The following DENND2B variants were observed in gnomAD, a reference collection of about 807,000 sequenced individuals.
The protein encoded by DENND2B is DENN domain containing 2B.
A neutral mutation model predicts 116.0 loss-of-function variants in DENND2B; 32 were observed. The ratio of observed to expected loss-of-function variants is 0.28; its 90% CI spans 0.21 to 0.37. DENND2B has a LOEUF of 0.37. Ranked by LOEUF, DENND2B falls within the 10% of genes least tolerant of loss-of-function variation. DENND2B has a pLI of 1.00. For synonymous variants in DENND2B, 588 were observed against 583.9 expected, an observed-to-expected ratio of 1.01 and a Z score of -0.10; for missense variants, 1,276 against 1,477.7, an observed-to-expected ratio of 0.86 and a Z score of 2.24.
chr11:8,907,068 C>A (rs10769973), intron 1 of DENND2B, among the ~76,000 whole-genome samples: 1 of 151,970 alleles, frequency 6.6e-6, no homozygotes, highest in Admixed American at 6.6e-5. Flanking sequence ...GTCCCAAATA[C>A]AGCACCAGTC....
chr11:8,743,734 G>A (rs1381179322), intron 2 of DENND2B, among the ~76,000 whole-genome samples: 1 of 151,788 alleles, frequency 6.6e-6, no homozygotes, highest in Non-Finnish European at 1.5e-5. Context: ...AATCGAAGTG[G>A]AGAGGGGCTT....
intron 5 of DENND2B, 75 bp downstream of exon 5, chr11:8,717,666 C>T: frequency 4.8e-6 from 7 of 1,462,786 alleles, no homozygotes; most frequent in South Asian, 1.6e-5. Context: ...GGAAGCTGGG[C>T]CCAAGTCTTG....
At chr11:8,741,385 TGACA>T (rs2050181056) in intron 2 of DENND2B, among the ~76,000 whole-genome samples, 1 of 152,138 alleles carries the variant, frequency 6.6e-6, no homozygotes, top group African/African-American at 2.4e-5. Flanking sequence ...GAGAGAATAC[TGACA>T]CTGCAGAAGC....
At chr11:8,890,696 G>C (rs1475852729) in intron 1 of DENND2B, among the ~76,000 whole-genome samples, 3 of 152,142 alleles carry the variant, frequency 2.0e-5, no homozygotes, top group Admixed American at 6.6e-5. Flanking sequence ...AGAGAAAAAA[G>C]AGTAAAAAGA....
chr11:8,694,707 G>A (rs1592262905), intron 19 of DENND2B: 7 of 447,534 alleles, frequency 1.6e-5, no homozygotes, highest in South Asian at 1.1e-4. Flanking sequence ...GGTGGTGTCT[G>A]TACTGAACAT....
intron 1 of DENND2B, chr11:8,776,146 GCACGCGCGCGCGCGCA>G (rs2057633489): frequency 9.2e-5 from 27 of 292,462 alleles, no homozygotes; most frequent in Non-Finnish European, 1.6e-4. Flanking sequence ...GCACGTGCGC[GCACGCGCGCGCGCGCA>G]CACACACACA....
chr11:8,749,930 G>GT (rs1283114835), intron 2 of DENND2B, among the ~76,000 whole-genome samples: 2 of 152,208 alleles, frequency 1.3e-5, no homozygotes, highest in Non-Finnish European at 2.9e-5. Context: ...CTGTGCATCT[G>GT]TGAGTTCTGG....
intron 2 of DENND2B, among the ~76,000 whole-genome samples, chr11:8,734,972 C>T (rs1461842119): frequency 7.5e-6 from 1 of 132,994 alleles, no homozygotes; most frequent in East Asian, 2.3e-4. Context: ...GTCAGTTTGC[C>T]ACTGTCAATG....
chr11:8,884,913 G>A (rs1309038337), intron 1 of DENND2B, among the ~76,000 whole-genome samples: 1 of 152,212 alleles, frequency 6.6e-6, no homozygotes, highest in African/African-American at 2.4e-5. Flanking sequence ...ACCTTGTAAA[G>A]AGAGGAAAGG....
In DENND2B at chr11:8,730,477, C is replaced by A. The variant is rs1320876871; in HGVS notation, c.813G>T (p.Gly271=). The A allele has an allele frequency of 6.2e-7, 1 of 1,611,926 alleles. No individual in the cohort carries two copies. Among genetic ancestry groups the A allele is most frequent in the Admixed American group, 1.7e-5 (1 of 60,030 alleles). The part of the protein sequence containing the change: ...GRSEPSAFLR[G]HGSRKESSAV... The stretch of plus-strand genomic sequence containing the variant: ...CTGAGCTCTCCTTCCTGCTGCCATG[C>A]CCCCTGAGGAAGGCGCTGGGCTCAC... The change falls in exon 3 of 20, where the codon GGG becomes GGT. Residue 271 remains glycine (G), a synonymous_variant. Coordinates refer to ENST00000313726, the MANE Select transcript of DENND2B (RefSeq NM_213618.2). This position sits in a 1 kb window ranked among gnomAD's most constrained non-coding sequence, Gnocchi z 4.1.
intron 1 of DENND2B, among the ~76,000 whole-genome samples, chr11:8,767,856 G>C (rs1461686498): frequency 6.6e-6 from 1 of 152,120 alleles, no homozygotes; most frequent in Non-Finnish European, 1.5e-5. Context: ...AGAGGAAAGA[G>C]TACCCCAAGG....
chr11:8,701,652 G>A (rs943158154), intron 14 of DENND2B, among the ~76,000 whole-genome samples: 5 of 151,912 alleles, frequency 3.3e-5, no homozygotes, highest in African/African-American at 9.7e-5. Context: ...TGCACTCATC[G>A]GAGCCGTATC....
At chr11:8,818,740 T>G (rs942970391) in intron 4 of DENND2B, among the ~76,000 whole-genome samples, 1 of 152,234 alleles carries the variant, frequency 6.6e-6, no homozygotes, top group African/African-American at 2.4e-5. Context: ...TAACTCTGAA[T>G]TCTAGCTTAG....
intron 3 of DENND2B, among the ~76,000 whole-genome samples, chr11:8,848,578 T>A (rs2062890752): frequency 1.3e-5 from 2 of 152,204 alleles, no homozygotes; most frequent in South Asian, 4.1e-4. Flanking sequence ...AGAGTGGTTA[T>A]AGATTTTTAA....
intron 19 of DENND2B, among the ~76,000 whole-genome samples, chr11:8,695,236 T>C (rs1393929756): frequency 6.6e-6 from 1 of 152,146 alleles, no homozygotes. Flanking sequence ...TATCCTTGGG[T>C]ATCCAGGAAC....
chr11:8,767,203 G>GGAT (rs2055983407), intron 1 of DENND2B, among the ~76,000 whole-genome samples: 2 of 152,180 alleles, frequency 1.3e-5, no homozygotes, highest in African/African-American at 4.8e-5. Context: ...TGAGTCCTAA[G>GGAT]GACAGTGACC....
chr11:8,759,852 G>A (rs2134106251), intron 1 of DENND2B, among the ~76,000 whole-genome samples: 1 of 152,308 alleles, frequency 6.6e-6, no homozygotes, highest in African/African-American at 2.4e-5. Flanking sequence ...CTCCCCAGAG[G>A]AGGGCTGCCA....
intron 9 of DENND2B, among the ~76,000 whole-genome samples, chr11:8,711,643 G>A (rs538876791): frequency 6.6e-6 from 1 of 152,000 alleles, no homozygotes; most frequent in Non-Finnish European, 1.5e-5. Flanking sequence ...CGAGACTGGC[G>A]GATCACCTGA....
intron 1 of DENND2B, among the ~76,000 whole-genome samples, chr11:8,780,325 T>C (rs924417726): frequency 4.7e-4 from 72 of 152,218 alleles, no homozygotes; most frequent in Admixed American, 4.2e-3. Flanking sequence ...ATTAGAAAGA[T>C]GAAATTAAGT....
Sources: gnomAD v4.1 joint callset for allele counts (sites outside exome capture counted in the v4.1 genomes callset) on GRCh38, gnomAD v4.1.1 for gene constraint, Gnocchi (gnomAD v3.1) non-coding constraint, MANE v1.5 for transcripts, NCBI Gene and HGNC (gene_info 2026-07-23, HGNC 2026-07-21) for gene names.